Variants in TTC29 observed in about 807,000 individuals in gnomAD.
TTC29 encodes the protein tetratricopeptide repeat protein 29.
In TTC29, 49 loss-of-function variants were observed where a neutral mutation model predicts 58.1. The ratio of observed to expected loss-of-function variants is 0.84; its 90% CI spans 0.67 to 1.07. The LOEUF is 1.07. Among genes scored for constraint, TTC29 ranks in the 50% least tolerant of loss-of-function variants. The pLI is 0.00. For missense variants in TTC29, 582 were observed against 555.6 expected, an observed-to-expected ratio of 1.05 and a Z score of -0.48; for synonymous variants, 209 against 196.8, an observed-to-expected ratio of 1.06 and a Z score of -0.52.
intron 6 of TTC29, among the ~76,000 whole-genome samples, chr4:146,903,022 T>C (rs1422827548): frequency 6.6e-6 from 1 of 152,186 alleles, no homozygotes; most frequent in African/African-American, 2.4e-5. Context: ...CAATCCTTGA[T>C]CAGCCACTAT....
At chr4:146,780,629 A>C (rs1218980355) in intron 11 of TTC29, among the ~76,000 whole-genome samples, 1 of 151,840 alleles carries the variant, frequency 6.6e-6, no homozygotes, top group Non-Finnish European at 1.5e-5. Flanking sequence ...TCATATCTCT[A>C]GATTTGCCTT....
chr4:146,753,242 G>C (rs1746159828), intron 11 of TTC29, among the ~76,000 whole-genome samples: 1 of 152,034 alleles, frequency 6.6e-6, no homozygotes, highest in African/African-American at 2.4e-5. Context: ...GTGGGCAAAG[G>C]ATATGAACAG....
At chr4:146,860,939 A>G (rs377112773) in intron 8 of TTC29, among the ~76,000 whole-genome samples, 3 of 152,334 alleles carry the variant, frequency 2.0e-5, no homozygotes, top group African/African-American at 7.2e-5. Flanking sequence ...ACTGCTTTGT[A>G]TATGGAATAA....
chr4:146,806,006 G>A (rs994968863), intron 10 of TTC29, among the ~76,000 whole-genome samples: 2 of 152,176 alleles, frequency 1.3e-5, no homozygotes, highest in African/African-American at 2.4e-5. Flanking sequence ...TACCCACAAA[G>A]GGAAGCCCAT....
intron 9 of TTC29, among the ~76,000 whole-genome samples, chr4:146,829,170 G>C (rs80323422): frequency 1.8e-4 from 28 of 152,164 alleles, no homozygotes; most frequent in Admixed American, 1.8e-3. Context: ...AGGACTCCTC[G>C]GTCCAAAGAA....
intron 4 of TTC29, among the ~76,000 whole-genome samples, chr4:146,935,962 G>A (rs1403037945): frequency 1.3e-5 from 2 of 152,130 alleles, no homozygotes; most frequent in Admixed American, 1.3e-4. Flanking sequence ...CAATTAGTCT[G>A]TCTAGGGCAA....
intron 11 of TTC29, among the ~76,000 whole-genome samples, chr4:146,733,886 G>C (rs1217335733): frequency 6.6e-6 from 1 of 152,110 alleles, no homozygotes; most frequent in Non-Finnish European, 1.5e-5. Context: ...TAAAAAATCA[G>C]ATATTAATAT....
At chr4:146,898,914 ACAGCTCAATGTAAAC>A (rs758137880) in intron 6 of TTC29, among the ~76,000 whole-genome samples, 44 of 152,344 alleles carry the variant, frequency 2.9e-4, no homozygotes, top group Non-Finnish European at 5.6e-4. Context: ...GGCCTCCTGC[ACAGCTCAATGTAAAC>A]CATCTAGTCT....
intron 11 of TTC29, among the ~76,000 whole-genome samples, chr4:146,760,018 A>T (rs1299018541): frequency 1.3e-5 from 2 of 152,070 alleles, no homozygotes; most frequent in Non-Finnish European, 2.9e-5. Context: ...TGACAATATG[A>T]TTGTTTACCT....
chr4:146,839,728 C>A (rs1331363633), intron 8 of TTC29, among the ~76,000 whole-genome samples: 5 of 149,034 alleles, frequency 3.4e-5, no homozygotes, highest in African/African-American at 7.4e-5. Flanking sequence ...AAAGGAAAAT[C>A]TTTTTTTTTT....
At chr4:146,800,833 T>C (rs1357182478) in intron 11 of TTC29, among the ~76,000 whole-genome samples, 3 of 152,204 alleles carry the variant, frequency 2.0e-5, no homozygotes, top group Non-Finnish European at 2.9e-5. Context: ...TTCAAGAGAC[T>C]TTTACCCTTA....
chr4:146,757,432 A>T (rs1746537681), intron 11 of TTC29, among the ~76,000 whole-genome samples: 1 of 152,192 alleles, frequency 6.6e-6, no homozygotes, highest in African/African-American at 2.4e-5. Flanking sequence ...CTGTTGCTAG[A>T]GATCTAGACA....
chr4:146,877,110 G>A (rs929565512), intron 6 of TTC29, among the ~76,000 whole-genome samples: 3 of 152,036 alleles, frequency 2.0e-5, no homozygotes, highest in African/African-American at 4.8e-5. Context: ...CAGGCCATGA[G>A]TAGGATATTA....
intron 5 of TTC29, among the ~76,000 whole-genome samples, chr4:146,908,010 G>T (rs553584966): frequency 6.6e-6 from 1 of 151,968 alleles, no homozygotes; most frequent in Admixed American, 6.6e-5. Context: ...ACATTTTTGT[G>T]TGTCTCATAT....
At chr4:146,924,695 A>AT (rs139674440) in intron 4 of TTC29, among the ~76,000 whole-genome samples, 27,112 of 151,448 alleles carry the variant, frequency 0.18, 3,943 homozygotes, top group African/African-American at 0.39. Flanking sequence ...CATTAGTTTC[A>AT]TGGGTTTTTT....
At chr4:146,753,817 C>T (rs1224747665) in intron 11 of TTC29, among the ~76,000 whole-genome samples, 2 of 151,704 alleles carry the variant, frequency 1.3e-5, no homozygotes, top group Non-Finnish European at 2.9e-5. Context: ...AAAAATCAGA[C>T]ACTGCATGTT....
chr4:146,838,511 A>G (rs1328204380), intron 8 of TTC29, among the ~76,000 whole-genome samples: 1 of 151,140 alleles, frequency 6.6e-6, no homozygotes, highest in African/African-American at 2.4e-5. Context: ...CTGAGCTTTG[A>G]CATTTTTAAG....
At chr4:146,877,872 T>C (rs1731375952) in intron 6 of TTC29, among the ~76,000 whole-genome samples, 1 of 152,018 alleles carries the variant, frequency 6.6e-6, no homozygotes, top group South Asian at 2.1e-4. Flanking sequence ...ATGATGTAAA[T>C]AGCAAATGAG....
At chr4:146,745,342 G>A (rs532792760) in intron 11 of TTC29, among the ~76,000 whole-genome samples, 1 of 152,308 alleles carries the variant, frequency 6.6e-6, no homozygotes, top group East Asian at 1.9e-4. Flanking sequence ...ATGAAATGCT[G>A]GCAGGTAGAT....
Sources: gnomAD v4.1 joint callset for allele counts (sites outside exome capture counted in the v4.1 genomes callset) on GRCh38, gnomAD v4.1.1 for gene constraint, MANE v1.5 for transcripts, NCBI Gene and HGNC (gene_info 2026-07-23, HGNC 2026-07-21) for gene names.